The following PDLIM1 variants were observed in gnomAD, a reference collection of about 807,000 sequenced individuals.
PDLIM1 encodes the protein PDZ and LIM domain protein 1.
In PDLIM1, 25 loss-of-function variants were observed where a neutral mutation model predicts 35.2. The ratio of observed to expected loss-of-function variants is 0.71; its 90% confidence interval spans 0.52 to 0.99. The LOEUF (loss-of-function observed/expected upper bound fraction) is 0.99, where lower values mean the gene tolerates loss of function less well. Among genes scored for constraint, PDLIM1 ranks in the 50% least tolerant of loss-of-function variants. PDLIM1 has a pLI of 0.00. For missense variants in PDLIM1, 363 were observed against 415.3 expected (o/e 0.87, Z 1.09); for synonymous variants, 152 against 154.0 (o/e 0.99, Z 0.10).
At chr10:95,252,612 T>C (rs1339355367) in intron 4 of PDLIM1, among the ~76,000 whole-genome samples, 6 of 152,080 alleles carry the variant, frequency 3.9e-5, no homozygotes, top group Admixed American at 2.6e-4. Flanking sequence ...CTAACAAAGA[T>C]GGTAACACAG....
chr10:95,279,482 G>C (rs1296456414), intron 1 of PDLIM1, among the ~76,000 whole-genome samples: 1 of 152,114 alleles, frequency 6.6e-6, no homozygotes, highest in Non-Finnish European at 1.5e-5. Flanking sequence ...GAGCTTACTG[G>C]GTGAGGCAAT....
intron 4 of PDLIM1, among the ~76,000 whole-genome samples, chr10:95,260,863 G>A (rs2035355601): frequency 6.6e-6 from 1 of 152,206 alleles, no homozygotes; most frequent in Admixed American, 6.5e-5. Flanking sequence ...CCAGGTGACT[G>A]CTGGGCTCAC....
intron 1 of PDLIM1, among the ~76,000 whole-genome samples, chr10:95,285,362 A>G (rs539901718): frequency 2.3e-4 from 35 of 152,274 alleles, no homozygotes; most frequent in African/African-American, 8.4e-4. Flanking sequence ...CTTATCCCTC[A>G]TGTTGAAGCC....
At chr10:95,284,845 G>A (rs1489538412) in intron 1 of PDLIM1, among the ~76,000 whole-genome samples, 1 of 152,208 alleles carries the variant, frequency 6.6e-6, no homozygotes, top group African/African-American at 2.4e-5. Flanking sequence ...AGGAGACAGT[G>A]TATTACACAT....
intron 1 of PDLIM1, among the ~76,000 whole-genome samples, chr10:95,289,101 A>G (rs1031288030): frequency 1.3e-5 from 2 of 152,250 alleles, no homozygotes; most frequent in Non-Finnish European, 2.9e-5. Context: ...TGCCCTTTTA[A>G]CAGATTGCCA....
At chr10:95,243,600 G>T (rs2035195841) in intron 5 of PDLIM1, among the ~76,000 whole-genome samples, 1 of 152,040 alleles carries the variant, frequency 6.6e-6, no homozygotes, top group Non-Finnish European at 1.5e-5. Flanking sequence ...ACGAGCCTCG[G>T]TACTTGCTGA....
intron 1 of PDLIM1, among the ~76,000 whole-genome samples, chr10:95,282,938 C>T (rs1003283452): frequency 1.3e-5 from 2 of 152,112 alleles, no homozygotes; most frequent in African/African-American, 2.4e-5. Flanking sequence ...AGCGAGACTC[C>T]GTCAAGAAGT....
rs115232825 is a variant in PDLIM1, at chr10:95,271,152, G to T, written c.248+481C>A. ...ATCATAAGCACCGTGAAAATCAGAG[G>T]GGGGCTGGGCACGGTGGCTCACACC... is the stretch of plus-strand genomic sequence containing the variant. On this transcript the variant is annotated intron_variant, in intron 2 of 6. Transcript: ENST00000329399. 7.9e-5 allele frequency among the ~76,000 whole-genome samples: 12 copies of T among 151,826 alleles called. No homozygotes were observed. In the South Asian group the frequency reaches 1.0e-3, roughly 13 times the overall value.
Position 95,263,863 on chromosome 10 carries a change from C to A in PDLIM1, c.533+1G>T. 6.2e-7 allele frequency: 1 copy of A among 1,606,290 alleles called. No homozygotes were observed. Among genetic ancestry groups the A allele is most frequent in the Non-Finnish European group, 8.5e-7 (1 of 1,175,306 alleles). On this transcript the variant is annotated splice_donor_variant, in intron 4 of 6. Transcript: ENST00000329399. LOFTEE classifies it high-confidence loss of function. ...CAGAGGAGGACTCCTGGGCTACTTACGGTCTGCTGTTCGCCTCCACCCCGC... is the reference window on the plus strand; with the variant it reads ...CAGAGGAGGACTCCTGGGCTACTTAAGGTCTGCTGTTCGCCTCCACCCCGC...
chr10:95,247,209 GA>G lies in PDLIM1; in HGVS notation c.685+5del. The G allele has an allele frequency of 1.2e-6, 2 of 1,611,410 alleles. No individual in the cohort carries two copies. The highest frequency in any genetic ancestry group is 1.7e-6 in the Non-Finnish European group (2 of 1,178,888). On this transcript the variant is annotated splice_donor_5th_base_variant and intron_variant, in intron 5 of 6. Coordinates refer to ENST00000329399, the MANE Select transcript of PDLIM1 (RefSeq NM_020992.4). ...AGAGCCTCTGACTGCAGATGGAGCT[GA>G]TTACCTTTTTCTTCAGACTCCAGGA... is the stretch of plus-strand genomic sequence containing the variant.
chr10:95,260,011 A>G (rs551227915), intron 4 of PDLIM1, among the ~76,000 whole-genome samples: 1 of 152,328 alleles, frequency 6.6e-6, no homozygotes, highest in East Asian at 1.9e-4. Flanking sequence ...ACATTTGTCT[A>G]TGTGCTTCCA....
intron 3 of PDLIM1, 53 bp from the exon 4 acceptor site, chr10:95,264,116 T>C: frequency 6.7e-7 from 1 of 1,487,156 alleles, no homozygotes; most frequent in Non-Finnish European, 9.4e-7. Context: ...TGCAAACCCC[T>C]TGATGGGCAG....
At chr10:95,251,356 T>A (rs1486005633) in intron 4 of PDLIM1, among the ~76,000 whole-genome samples, 1 of 152,032 alleles carries the variant, frequency 6.6e-6, no homozygotes, top group Non-Finnish European at 1.5e-5. Flanking sequence ...GTGAATTGCC[T>A]GAGCTCAGGA....
Position 95,246,961 on chromosome 10 carries a change from T to C in PDLIM1, c.685+254A>G, listed in dbSNP as rs528174581. ...GGCTCACCCCAACCTTAGCATCCTC[T>C]TGCACATGTGACAGGACACAGTTGG... On this transcript the variant is annotated intron_variant, in intron 5 of 6. Coordinates refer to ENST00000329399, the MANE Select transcript of PDLIM1 (RefSeq NM_020992.4). Among the ~76,000 whole-genome samples the C allele has an allele frequency of 3.9e-5, 6 of 152,284 alleles. No homozygotes were observed. The South Asian group carries it at 1.2e-3, about 32-fold the overall frequency.
At chr10:95,288,807 G>A (rs2133445846) in intron 1 of PDLIM1, among the ~76,000 whole-genome samples, 1 of 152,292 alleles carries the variant, frequency 6.6e-6, no homozygotes, top group African/African-American at 2.4e-5. Context: ...TTCAATTAAA[G>A]CACCTGCCAA....
chr10:95,288,537 C>T (rs947238532), intron 1 of PDLIM1, among the ~76,000 whole-genome samples: 2 of 139,720 alleles, frequency 1.4e-5, no homozygotes, highest in African/African-American at 5.4e-5. Flanking sequence ...AGGGCTGGTG[C>T]TATCCCCACT....
intron 3 of PDLIM1, 23 bp downstream of exon 3, chr10:95,268,755 G>A (rs181752580): frequency 9.4e-5 from 140 of 1,491,338 alleles, no homozygotes; most frequent in African/African-American, 7.6e-4. Flanking sequence ...TGAGAGCAGC[G>A]GCAACGATGA....
At position 95,253,670 on chromosome 10, in the gene PDLIM1, AG is replaced by A. The variant is rs568765108; in HGVS notation, c.534-6305del. The stretch of plus-strand genomic sequence containing the variant: ...AGACTCTGTCTTAAAAAAAAAAAAA[AG>A]AAGGAATCTTGGAATATCGAGAATG... On this transcript the variant is annotated intron_variant, in intron 4 of 6. Transcript: ENST00000329399. Among the ~76,000 whole-genome samples, 478 of 151,536 alleles carry A rather than the reference AG, an allele frequency of 3.2e-3. 2 individuals carry two copies. Among genetic ancestry groups the A allele is most frequent in the African/African-American group, 1.0e-2 (412 of 41,350 alleles).
intron 1 of PDLIM1, among the ~76,000 whole-genome samples, chr10:95,280,173 C>G (rs2035548616): frequency 6.6e-6 from 1 of 152,110 alleles, no homozygotes; most frequent in African/African-American, 2.4e-5. Flanking sequence ...GTCAGGAGTT[C>G]AAGACCAGCC....
Sources: gnomAD v4.1 joint callset for allele counts (sites outside exome capture counted in the v4.1 genomes callset) on GRCh38, gnomAD v4.1.1 for gene constraint, MANE v1.5 for transcripts, NCBI Gene and HGNC (gene_info 2026-07-23, HGNC 2026-07-21) for gene names.